PRKAG2: variants seen among roughly 807,000 people sequenced by gnomAD.
The protein encoded by PRKAG2 is 5'-AMP-activated protein kinase subunit gamma-2.
Under a neutral mutation model 69.6 loss-of-function variants are expected in PRKAG2, and 26 were observed. The ratio of observed to expected loss-of-function variants is 0.37; its 90% confidence interval spans 0.27 to 0.52. PRKAG2 has a LOEUF of 0.52. Among genes scored for constraint, PRKAG2 ranks in the 20% least tolerant of loss-of-function variants. The pLI is 0.90. For synonymous variants in PRKAG2, 293 were observed against 285.0 expected (o/e 1.03, Z -0.28); for missense variants, 557 against 740.0 (o/e 0.75, Z 2.87).
intron 6 of PRKAG2, among the ~76,000 whole-genome samples, chr7:151,578,276 T>C (rs980487590): frequency 2.6e-5 from 4 of 152,080 alleles, no homozygotes; most frequent in African/African-American, 9.7e-5. Flanking sequence ...ACCTGGGAAG[T>C]GGAGGCTGTA....
At chr7:151,711,793 G>T (rs1251209276) in intron 3 of PRKAG2, among the ~76,000 whole-genome samples, 7 of 152,212 alleles carry the variant, frequency 4.6e-5, no homozygotes, top group Non-Finnish European at 8.8e-5. Context: ...GGATATGCAG[G>T]TTCCTGAGAG....
chr7:151,844,829 A>G (rs1474582978), intron 1 of PRKAG2, among the ~76,000 whole-genome samples: 1 of 152,210 alleles, frequency 6.6e-6, no homozygotes, highest in East Asian at 1.9e-4. Flanking sequence ...TATTTACTGG[A>G]TGAATAAATC....
intron 7 of PRKAG2, among the ~76,000 whole-genome samples, chr7:151,575,378 T>C (rs7791529): frequency 0.25 from 37,867 of 152,152 alleles, 6,479 homozygotes; most frequent in African/African-American, 0.49. Context: ...TTGCCATTTA[T>C]TGAGTGCTTT....
chr7:151,689,878 C>G (rs1835391786), intron 3 of PRKAG2, among the ~76,000 whole-genome samples: 1 of 152,180 alleles, frequency 6.6e-6, no homozygotes, highest in Admixed American at 6.5e-5. Flanking sequence ...GTTCCCAGCT[C>G]CAGGAGCTCT....
At chr7:151,729,817 A>G (rs1314206531) in intron 3 of PRKAG2, among the ~76,000 whole-genome samples, 1 of 152,026 alleles carries the variant, frequency 6.6e-6, no homozygotes, top group Non-Finnish European at 1.5e-5. Context: ...AGGCATCCAC[A>G]CAGCCCTCTC....
chr7:151,570,925 A>G (rs1032515474), intron 9 of PRKAG2, among the ~76,000 whole-genome samples: 2 of 151,490 alleles, frequency 1.3e-5, no homozygotes, highest in Non-Finnish European at 2.9e-5. Context: ...ACGTCACCAC[A>G]CCCTGCTAAT....
At chr7:151,801,149 C>T (rs2077815294) in intron 1 of PRKAG2, among the ~76,000 whole-genome samples, 1 of 152,176 alleles carries the variant, frequency 6.6e-6, no homozygotes, top group Admixed American at 6.5e-5. Flanking sequence ...GTCATAGGTT[C>T]CCCAGGAAAT....
chr7:151,589,341 G>C (rs761714266), intron 6 of PRKAG2, among the ~76,000 whole-genome samples: 1 of 152,086 alleles, frequency 6.6e-6, no homozygotes, highest in Non-Finnish European at 1.5e-5. Flanking sequence ...TCTCCTCCAC[G>C]ACACTGTGGA....
intron 3 of PRKAG2, among the ~76,000 whole-genome samples, chr7:151,747,703 G>A (rs997297251): frequency 1.3e-5 from 2 of 152,136 alleles, no homozygotes; most frequent in African/African-American, 4.8e-5. Context: ...CATTCCTTGA[G>A]ACTGGCAAGA....
At chr7:151,820,492 C>T (rs2078742513) in intron 1 of PRKAG2, among the ~76,000 whole-genome samples, 2 of 108,676 alleles carry the variant, frequency 1.8e-5, no homozygotes, top group Non-Finnish European at 3.9e-5. Flanking sequence ...CTCGGAACAC[C>T]GCTCCGTGGC....
chr7:151,744,412 C>A (rs1445641338), intron 3 of PRKAG2, among the ~76,000 whole-genome samples: 2 of 152,136 alleles, frequency 1.3e-5, no homozygotes, highest in African/African-American at 4.8e-5. Flanking sequence ...CTAGCCTCCA[C>A]TTGTCCCCCA....
At chr7:151,860,622 AGTGTT>A (rs2079894708) in intron 1 of PRKAG2, among the ~76,000 whole-genome samples, 1 of 152,124 alleles carries the variant, frequency 6.6e-6, no homozygotes, top group African/African-American at 2.4e-5. Flanking sequence ...TGGGAGCCTG[AGTGTT>A]CTCTAAAAGC....
At chr7:151,594,281 T>C (rs1055530966) in intron 6 of PRKAG2, among the ~76,000 whole-genome samples, 5 of 152,234 alleles carry the variant, frequency 3.3e-5, no homozygotes, top group African/African-American at 1.2e-4. Context: ...GAATTCTTGG[T>C]TTAGCATTTA....
At chr7:151,653,680 A>G (rs1480235365) in intron 4 of PRKAG2, among the ~76,000 whole-genome samples, 1 of 152,184 alleles carries the variant, frequency 6.6e-6, no homozygotes, top group African/African-American at 2.4e-5. Flanking sequence ...AGTCTCTACT[A>G]GAAATACAAA....
At chr7:151,764,450 T>G (rs192322312) in intron 3 of PRKAG2, among the ~76,000 whole-genome samples, 1 of 152,326 alleles carries the variant, frequency 6.6e-6, no homozygotes, top group East Asian at 1.9e-4. Flanking sequence ...CAGCTCTGAT[T>G]TGCTGACACC....
At chr7:151,798,471 C>T (rs750389668) in intron 1 of PRKAG2, among the ~76,000 whole-genome samples, 20 of 152,124 alleles carry the variant, frequency 1.3e-4, no homozygotes, top group Non-Finnish European at 2.2e-4. Flanking sequence ...TGAGCCACCA[C>T]GCCCGGCTAA....
chr7:151,745,973 C>G (rs2074253121), intron 3 of PRKAG2, among the ~76,000 whole-genome samples: 1 of 152,240 alleles, frequency 6.6e-6, no homozygotes, highest in Non-Finnish European at 1.5e-5. Flanking sequence ...GGCGCAGAAG[C>G]TGAGCGCTGG....
intron 4 of PRKAG2, among the ~76,000 whole-genome samples, chr7:151,653,756 C>A (rs1408169082): frequency 1.3e-5 from 2 of 152,136 alleles, no homozygotes; most frequent in African/African-American, 2.4e-5. Context: ...GCAGGAGAAT[C>A]ACTTGAACCC....
intron 3 of PRKAG2, chr7:151,736,099 C>A: frequency 1.3e-6 from 2 of 1,506,418 alleles, no homozygotes; most frequent in African/African-American, 2.8e-5. Context: ...GCCCGACAGG[C>A]ACAGGGCGCC....
Sources: allele counts gnomAD v4.1 joint callset (sites outside exome capture counted in the v4.1 genomes callset), GRCh38; gene constraint gnomAD v4.1.1; transcripts MANE v1.5; gene names NCBI Gene and HGNC (gene_info 2026-07-23, HGNC 2026-07-21).